The following ABLIM2 variants were observed in gnomAD, a reference collection of about 807,000 sequenced individuals.
ABLIM2 encodes actin-binding LIM protein 2.
ABLIM2 carries 53 observed loss-of-function variants against 97.7 expected under a neutral mutation model. That is an observed-to-expected ratio of 0.54 (90% CI 0.44 to 0.68). The LOEUF (loss-of-function observed/expected upper bound fraction) is 0.68. ABLIM2 is among the 30% of genes least tolerant of loss of function. The pLI is 0.00. For missense variants in ABLIM2, 835 were observed against 867.2 expected (o/e 0.96, Z 0.47); for synonymous variants, 361 against 345.8 (o/e 1.04, Z -0.49).
chr4:8,045,085 T>G, intron 9 of ABLIM2, 79 bp downstream of exon 9: 3 of 1,280,028 alleles, frequency 2.3e-6, no homozygotes, highest in Non-Finnish European at 3.4e-6. Context: ...CTCTTAGGGG[T>G]GGGCTTAGCC....
intron 1 of ABLIM2, among the ~76,000 whole-genome samples, chr4:8,157,868 C>A (rs182816232): frequency 2.0e-5 from 3 of 152,286 alleles, no homozygotes; most frequent in Admixed American, 1.3e-4. Flanking sequence ...CCTTCCCTGC[C>A]GGGAATGCAA....
At chr4:8,110,767 A>C (rs1461888987) in intron 1 of ABLIM2, among the ~76,000 whole-genome samples, 2 of 152,170 alleles carry the variant, frequency 1.3e-5, no homozygotes, top group African/African-American at 4.8e-5. Context: ...CGGGGGCTGC[A>C]GGGTCATGGC....
rs1808984294 is a variant in ABLIM2, at chr4:8,067,828, C to T, written c.676-6774G>A. On this transcript the variant is annotated intron_variant, in intron 6 of 20. Coordinates refer to ENST00000447017, the MANE Select transcript of ABLIM2 (RefSeq NM_001130083.2). The surrounding 1 kb of genome is among the most constrained non-coding windows in gnomAD (Gnocchi z 5.4). ...GTGTCACGTGCTGGGGTTCAGTGTC[C>T]CCGTGTATAAGATGGAGAGGACTGT... 1 of 152,190 alleles carries T rather than the reference C, an allele frequency of 6.6e-6. No individual in the cohort carries two copies. The highest frequency in any genetic ancestry group is 2.1e-4 in the South Asian group (1 of 4,826). 9.4% of individuals were successfully genotyped at this position (152,190 alleles called of 1,614,324 possible).
Position 8,054,329 on chromosome 4 carries a change from C to G in ABLIM2, c.764-83G>C. 1 of 1,446,640 alleles carries G rather than the reference C, an allele frequency of 6.9e-7. No homozygotes were observed. 89.6% of individuals were successfully genotyped at this position (1,446,640 alleles called of 1,614,324 possible). A position where few individuals can be genotyped will look rare whatever the true frequency, so the allele number is the denominator to read the frequency against. On this transcript the variant is annotated intron_variant, in intron 7 of 20. Coordinates refer to ENST00000447017, the MANE Select transcript of ABLIM2 (RefSeq NM_001130083.2). The surrounding 1 kb of genome is among the most constrained non-coding windows in gnomAD (Gnocchi z 4.9). ...CTGTGTGGAAACGCAGAGGAGGGAG[C>G]TGGTCCATGCACAGACGTGCACTCG... is the stretch of plus-strand genomic sequence containing the variant.
intron 16 of ABLIM2, among the ~76,000 whole-genome samples, chr4:8,006,192 C>T (rs931388587): frequency 1.3e-5 from 2 of 152,208 alleles, no homozygotes; most frequent in Admixed American, 6.5e-5. Flanking sequence ...GAGGTGAAGG[C>T]CACATGTGCA....
In ABLIM2 at chr4:8,068,335, G is replaced by C. The variant is rs1809432284; in HGVS notation, c.676-7281C>G. ...GCTGTCATCTTTAATAAGGCAGAACGAGGTGCCAGGGAAGCACACCCACAG... is the reference window on the plus strand; with the variant it reads ...GCTGTCATCTTTAATAAGGCAGAACCAGGTGCCAGGGAAGCACACCCACAG... On this transcript the variant is annotated intron_variant, in intron 6 of 20. Coordinates refer to ENST00000447017, the MANE Select transcript of ABLIM2 (RefSeq NM_001130083.2). The surrounding 1 kb of genome is among the most constrained non-coding windows in gnomAD (Gnocchi z 4.5). Among the ~76,000 whole-genome samples, 1 of 152,140 alleles carries C rather than the reference G, an allele frequency of 6.6e-6. No individual in the cohort carries two copies.
rs1381072004 is a variant in ABLIM2 at position 8,058,967 on chromosome 4, C to T, written c.763+2000G>A. Among the ~76,000 whole-genome samples the T allele has an allele frequency of 6.6e-6, 1 of 152,110 alleles. No individual in the cohort carries two copies. Among genetic ancestry groups the T allele is most frequent in the South Asian group, 2.1e-4 (1 of 4,824 alleles). On this transcript the variant is annotated intron_variant, in intron 7 of 20. Transcript: ENST00000447017. This position sits in a 1 kb window ranked among gnomAD's most constrained non-coding sequence, Gnocchi z 4.2. ...ACCTCGAGCGACTTTCCACCTGCTG[C>T]CCCAACCCTGCTCATTGGCTGCAAC...
intron 1 of ABLIM2, among the ~76,000 whole-genome samples, chr4:8,131,181 C>T (rs372326790): frequency 1.3e-5 from 2 of 152,212 alleles, no homozygotes; most frequent in African/African-American, 4.8e-5. Flanking sequence ...TCACAGGTCA[C>T]AGGGATCAGG....
intron 6 of ABLIM2, among the ~76,000 whole-genome samples, chr4:8,066,355 A>G (rs1227216823): frequency 2.9e-5 from 2 of 69,546 alleles, no homozygotes; most frequent in Admixed American, 2.0e-4. Flanking sequence ...AGAGGGAGGG[A>G]GGGAGGGAAG....
chr4:7,975,391 C>T (rs1362397282), intron 20 of ABLIM2, among the ~76,000 whole-genome samples: 5 of 152,192 alleles, frequency 3.3e-5, no homozygotes, highest in African/African-American at 1.2e-4. Flanking sequence ...ATGGGACAGC[C>T]CTCCCAGAGT....
Position 8,075,447 on chromosome 4 carries a change from C to T in ABLIM2, c.675+2181G>A, listed in dbSNP as rs1346817972. ...GTGACTCACACCTGTAATCCCAGCACTTTGGGCGGTGAAGGCAGGTGAATT... is the reference window on the plus strand; with the variant it reads ...GTGACTCACACCTGTAATCCCAGCATTTTGGGCGGTGAAGGCAGGTGAATT... On this transcript the variant is annotated intron_variant, in intron 6 of 20. Transcript: ENST00000447017. This position sits in a 1 kb window ranked among gnomAD's most constrained non-coding sequence, Gnocchi z 4.4. 6.6e-6 allele frequency among the ~76,000 whole-genome samples: 1 copy of T among 152,154 alleles called. No homozygotes were observed. Among genetic ancestry groups the T allele is most frequent in the East Asian group, 1.9e-4 (1 of 5,192 alleles).
At chr4:8,143,318 G>A (rs545231262) in intron 1 of ABLIM2, among the ~76,000 whole-genome samples, 38 of 152,042 alleles carry the variant, frequency 2.5e-4, no homozygotes, top group Non-Finnish European at 5.0e-4. Context: ...GGCCCCCAAG[G>A]CTGGGTTCCC....
At chr4:8,042,067 A>G (rs887571404) in intron 9 of ABLIM2, among the ~76,000 whole-genome samples, 4 of 152,238 alleles carry the variant, frequency 2.6e-5, no homozygotes, top group Admixed American at 2.6e-4. Context: ...GTTGGCGCTC[A>G]GAAAACAATA....
At chr4:8,103,271 C>G (rs935800897) in intron 2 of ABLIM2, among the ~76,000 whole-genome samples, 2 of 152,230 alleles carry the variant, frequency 1.3e-5, no homozygotes, top group African/African-American at 4.8e-5. Context: ...CTCAATGATT[C>G]ATACGCTGCA....
At chr4:8,117,247 C>A (rs1568193) in intron 1 of ABLIM2, among the ~76,000 whole-genome samples, 10 of 152,028 alleles carry the variant, frequency 6.6e-5, no homozygotes, top group African/African-American at 1.7e-4. Flanking sequence ...AAAGCCACAC[C>A]GTGAGGAGTG....
In ABLIM2 at chr4:8,085,187, G is replaced by A. The variant is rs941548753; in HGVS notation, c.454+2982C>T. Among the ~76,000 whole-genome samples the A allele has an allele frequency of 6.6e-6, 1 of 152,086 alleles. No individual in the cohort carries two copies. Among genetic ancestry groups the A allele is most frequent in the African/African-American group, 2.4e-5 (1 of 41,424 alleles). Reference sequence around the variant, plus strand: ...GACTCAAGCTTGAGCTCTGCCTCAAGAGCCAGCCACTCTCCCCTCCCCAGG... The same window carrying A: ...GACTCAAGCTTGAGCTCTGCCTCAAAAGCCAGCCACTCTCCCCTCCCCAGG... On this transcript the variant is annotated intron_variant, in intron 4 of 20. Coordinates refer to ENST00000447017, the MANE Select transcript of ABLIM2 (RefSeq NM_001130083.2). This position sits in a 1 kb window ranked among gnomAD's most constrained non-coding sequence, Gnocchi z 6.1.
In ABLIM2 at chr4:7,986,013, C is replaced by T. The variant is rs753192007; in HGVS notation, c.1681-1120G>A. On this transcript the variant is annotated intron_variant, in intron 17 of 20. Transcript: ENST00000447017. This position sits in a 1 kb window ranked among gnomAD's most constrained non-coding sequence, Gnocchi z 4.3. ...ATGAGCCCTGAGCCATGCTCTGTTGCGGTTGTGCCTTGGCTGCCCGCGGTG... is the reference window on the plus strand; with the variant it reads ...ATGAGCCCTGAGCCATGCTCTGTTGTGGTTGTGCCTTGGCTGCCCGCGGTG... 1.3e-5 allele frequency among the ~76,000 whole-genome samples: 2 copies of T among 152,220 alleles called. No homozygotes were observed. The highest frequency in any genetic ancestry group is 6.5e-5 in the Admixed American group (1 of 15,288).
intron 1 of ABLIM2, 100 bp from the exon 2 acceptor site, chr4:8,106,737 G>A (rs899234012): frequency 4.3e-5 from 61 of 1,428,938 alleles, no homozygotes; most frequent in South Asian, 2.7e-4. Flanking sequence ...CCCTGCCAGC[G>A]GGCCCCGCAC....
intron 16 of ABLIM2, among the ~76,000 whole-genome samples, chr4:8,000,871 C>T (rs1204005001): frequency 1.3e-5 from 2 of 152,180 alleles, no homozygotes; most frequent in African/African-American, 4.8e-5. Context: ...AGCCTGTTCT[C>T]TGCGGGTCTG....
Sources: gnomAD v4.1 joint callset for allele counts (sites outside exome capture counted in the v4.1 genomes callset) on GRCh38, gnomAD v4.1.1 for gene constraint, Gnocchi (gnomAD v3.1) non-coding constraint, MANE v1.5 for transcripts, NCBI Gene and HGNC (gene_info 2026-07-23, HGNC 2026-07-21) for gene names.